The following PRKCB variants were observed in gnomAD, a reference collection of about 807,000 sequenced individuals.
PRKCB encodes the protein protein kinase C beta.
In PRKCB, 13 loss-of-function variants were observed where a neutral mutation model predicts 81.5. The ratio of observed to expected loss-of-function variants is 0.16; its 90% CI spans 0.10 to 0.25. The LOEUF (loss-of-function observed/expected upper bound fraction) is 0.25. Ranked by LOEUF, PRKCB falls within the 10% of genes least tolerant of loss-of-function variation. The probability of loss-of-function intolerance (pLI) is 1.00; values close to 1 mark genes in which losing one functional copy is unlikely to be tolerated. For missense variants in PRKCB, 509 were observed against 875.7 expected, an observed-to-expected ratio of 0.58 and a Z score of 5.29; for synonymous variants, 335 against 321.4, an observed-to-expected ratio of 1.04 and a Z score of -0.45.
At chr16:24,105,114 T>G (rs1966558473) in intron 7 of PRKCB, among the ~76,000 whole-genome samples, 1 of 151,874 alleles carries the variant, frequency 6.6e-6, no homozygotes, top group Non-Finnish European at 1.5e-5. Context: ...TGGAGTGCAG[T>G]GGCACGATCT....
intron 5 of PRKCB, among the ~76,000 whole-genome samples, chr16:24,043,160 C>T (rs1312368192): frequency 3.3e-5 from 5 of 152,164 alleles, no homozygotes; most frequent in Admixed American, 2.6e-4. Context: ...AAGGTATGAA[C>T]CAGAGAAATG....
rs184072843 is a variant in PRKCB at position 23,885,946 on chromosome 16, T to C, written c.205+48540T>C. 4.5e-4 allele frequency among the ~76,000 whole-genome samples: 69 copies of C among 152,340 alleles called. 1 individual carries two copies. The highest frequency in any genetic ancestry group is 1.6e-3 in the African/African-American group (67 of 41,580). On this transcript the variant is annotated intron_variant, in intron 2 of 16. Coordinates refer to ENST00000643927, the MANE Select transcript of PRKCB (RefSeq NM_002738.7). Reference sequence around the variant, plus strand: ...GCAGGAGGTTTGAGGATTGTGATACTAACAACATTAACAACAACAAACTTT... The same window carrying C: ...GCAGGAGGTTTGAGGATTGTGATACCAACAACATTAACAACAACAAACTTT...
chr16:23,964,409 G>A (rs1474482574), intron 2 of PRKCB, among the ~76,000 whole-genome samples: 1 of 152,202 alleles, frequency 6.6e-6, no homozygotes, highest in Non-Finnish European at 1.5e-5. Context: ...TTGAGTAGTT[G>A]TGACAGAGAC....
At chr16:24,178,966 C>T (rs1032665887) in intron 12 of PRKCB, among the ~76,000 whole-genome samples, 6 of 152,120 alleles carry the variant, frequency 3.9e-5, no homozygotes, top group African/African-American at 1.4e-4. Flanking sequence ...GCTCAAGTGA[C>T]GTTATGAGGG....
At chr16:24,142,463 T>C (rs748616750) in intron 9 of PRKCB, among the ~76,000 whole-genome samples, 72 of 152,294 alleles carry the variant, frequency 4.7e-4, no homozygotes, top group Middle Eastern at 3.4e-3. Context: ...TGGCGTTTGC[T>C]CAGTTTTCCA....
chr16:24,185,322 T>C, intron 14 of PRKCB, 131 bp downstream of exon 14: 2 of 1,195,660 alleles, frequency 1.7e-6, no homozygotes, highest in Non-Finnish European at 2.4e-6. Context: ...CTTGGGGTCA[T>C]ACAAGTCTGT....
intron 2 of PRKCB, among the ~76,000 whole-genome samples, chr16:23,878,716 G>T (rs1963056647): frequency 6.6e-6 from 1 of 152,196 alleles, no homozygotes; most frequent in African/African-American, 2.4e-5. Context: ...ATAAATTTTA[G>T]CAAGAGGTGA....
intron 2 of PRKCB, among the ~76,000 whole-genome samples, chr16:23,972,442 A>G (rs1250800509): frequency 6.6e-6 from 1 of 152,242 alleles, no homozygotes; most frequent in East Asian, 1.9e-4. Context: ...GTAAAAAGAA[A>G]AAGAAATCCT....
intron 5 of PRKCB, among the ~76,000 whole-genome samples, chr16:24,043,399 A>G (rs542249716): frequency 1.3e-5 from 2 of 152,334 alleles, no homozygotes; most frequent in South Asian, 4.1e-4. Flanking sequence ...TAAAAACTCA[A>G]TACACCTGCT....
intron 7 of PRKCB, among the ~76,000 whole-genome samples, chr16:24,109,978 C>G (rs1157780230): frequency 1.5e-5 from 2 of 133,218 alleles, no homozygotes; most frequent in African/African-American, 6.5e-5. Flanking sequence ...AGTCTGCAAT[C>G]GCAGGCACTC....
intron 2 of PRKCB, among the ~76,000 whole-genome samples, chr16:23,960,187 G>T (rs1964406652): frequency 1.3e-5 from 2 of 152,140 alleles, no homozygotes; most frequent in African/African-American, 4.8e-5. Flanking sequence ...AAGCTCCAGT[G>T]ACCCAGAATG....
intron 1 of PRKCB, 185 bp from the exon 2 acceptor site, chr16:23,837,190 A>G (rs1264611876): frequency 4.1e-6 from 3 of 737,922 alleles, no homozygotes; most frequent in Admixed American, 4.2e-5. Flanking sequence ...GTGAAGGCAG[A>G]TGGGGGTTAC....
intron 2 of PRKCB, among the ~76,000 whole-genome samples, chr16:23,930,930 T>C (rs1963964926): frequency 6.6e-6 from 1 of 152,218 alleles, no homozygotes; most frequent in South Asian, 2.1e-4. Context: ...GGTTGATGAC[T>C]TGCCTAGGAT....
Position 24,185,119 on chromosome 16 carries a change from T to C in PRKCB, c.1542T>C (p.Ala514=). 2 of 1,614,050 alleles carry C rather than the reference T, an allele frequency of 1.2e-6. No individual in the cohort carries two copies. The highest frequency in any genetic ancestry group is 8.5e-7 in the Non-Finnish European group (1 of 1,179,908). The change falls in exon 14 of 17, where the codon GCT becomes GCC. Residue 514 remains alanine (A), a synonymous_variant. Transcript: ENST00000643927. ...TGCCTTCTCTTTTCTAGATAATTGC[T>C]TATCAGCCCTATGGGAAGTCCGTGG... ...TPDYIAPEII[A]YQPYGKSVDW...
chr16:24,039,472 C>T (rs149914679), intron 5 of PRKCB, among the ~76,000 whole-genome samples: 2,395 of 152,294 alleles, frequency 0.016, 65 homozygotes, highest in African/African-American at 0.055. Flanking sequence ...TCAAGTGATC[C>T]GCCCGCCTTG....
chr16:24,043,032 C>T (rs780704180), intron 5 of PRKCB, among the ~76,000 whole-genome samples: 6 of 152,208 alleles, frequency 3.9e-5, no homozygotes, highest in Admixed American at 1.3e-4. Context: ...CCACTGTGCC[C>T]GGTGATGTCT....
intron 15 of PRKCB, among the ~76,000 whole-genome samples, chr16:24,187,468 C>T (rs1013692596): frequency 6.6e-6 from 1 of 152,154 alleles, no homozygotes; most frequent in African/African-American, 2.4e-5. Context: ...GAGGCTGGCA[C>T]TCTGCTCCAA....
At chr16:24,110,809 C>CA (rs1466462665) in intron 7 of PRKCB, among the ~76,000 whole-genome samples, 19 of 152,110 alleles carry the variant, frequency 1.2e-4, no homozygotes, top group African/African-American at 4.6e-4. Context: ...CATGAGCCAC[C>CA]ACGACGACCT....
intron 5 of PRKCB, among the ~76,000 whole-genome samples, chr16:24,045,181 T>A (rs532317727): frequency 1.5e-4 from 22 of 146,546 alleles, no homozygotes; most frequent in Non-Finnish European, 2.8e-4. Context: ...TCAACAACAA[T>A]AGCAGAAAAA....
Sources: gnomAD v4.1 joint callset for allele counts (sites outside exome capture counted in the v4.1 genomes callset) on GRCh38, gnomAD v4.1.1 for gene constraint, MANE v1.5 for transcripts, NCBI Gene and HGNC (gene_info 2026-07-23, HGNC 2026-07-21) for gene names.